VLDLR: variants seen among roughly 807,000 people sequenced by gnomAD.
VLDLR encodes very low density lipoprotein receptor, also known as very low-density lipoprotein receptor.
Under a neutral mutation model 112.7 loss-of-function variants are expected in VLDLR, and 81 were observed. That is an observed-to-expected ratio of 0.72 (90% CI 0.60 to 0.86). The LOEUF (loss-of-function observed/expected upper bound fraction) is 0.86, where lower values mean the gene tolerates loss of function less well. Ranked by LOEUF, VLDLR falls within the 40% of genes least tolerant of loss-of-function variation. VLDLR has a pLI of 0.00. For missense variants in VLDLR, 1,237 were observed against 1,099.4 expected (o/e 1.13, Z -1.77); for synonymous variants, 436 against 384.8 (o/e 1.13, Z -1.56).
At chr9:2,628,845 G>A (rs1043772864) in intron 1 of VLDLR, among the ~76,000 whole-genome samples, 1 of 152,118 alleles carries the variant, frequency 6.6e-6, no homozygotes, top group Non-Finnish European at 1.5e-5. Flanking sequence ...AGTTTTGAGG[G>A]CTTTACTCAC....
chr9:2,645,048 A>G lies in VLDLR; in HGVS notation c.1278A>G (p.Gln426=). 2 of 1,614,224 alleles carry G rather than the reference A, an allele frequency of 1.2e-6. No homozygotes were observed. The highest frequency in any genetic ancestry group is 1.7e-6 in the Non-Finnish European group (2 of 1,180,028). The change falls in exon 9 of 19, where the codon CAA becomes CAG. Residue 426 remains glutamine (Q), a synonymous_variant. Coordinates refer to ENST00000382100, the MANE Select transcript of VLDLR (RefSeq NM_003383.5). ...GYKCECSRGY[Q]MDLATGVCKA... ...AGTGTGAATGTAGTCGTGGCTATCAAATGGATCTTGCTACTGGCGTGTGCA... is the reference window on the plus strand; with the variant it reads ...AGTGTGAATGTAGTCGTGGCTATCAGATGGATCTTGCTACTGGCGTGTGCA...
Position 2,655,944 on chromosome 9 carries a change from A to C in VLDLR, c.*2076A>C, listed in dbSNP as rs988663514. On this transcript the variant is annotated 3_prime_UTR_variant, in exon 19 of 19. Transcript: ENST00000382100. Reference sequence around the variant, plus strand: ...GCTCTGACCCTGCTGTGGTACAAAAAACATGGATTTTTTTTTTTTTAACTG... The same window carrying C: ...GCTCTGACCCTGCTGTGGTACAAAACACATGGATTTTTTTTTTTTTAACTG... The C allele has an allele frequency of 1.3e-5, 2 of 148,966 alleles. No individual in the cohort carries two copies. Among genetic ancestry groups the C allele is most frequent in the African/African-American group, 5.2e-5 (2 of 38,382 alleles). The allele number at this position is 148,966 out of a possible 1,614,324, so 9.2% of individuals were successfully genotyped here. A position where few individuals can be genotyped will look rare whatever the true frequency, so the allele number is the denominator to read the frequency against.
chr9:2,637,564 A>G lies in VLDLR; in HGVS notation c.202+1992A>G, dbSNP rs184625183. ...AATGAAGAGAGAGAACCATACGGCA[A>G]TTTGTCTGTCTCTGTTTATCTTTTG... is the stretch of plus-strand genomic sequence containing the variant. On this transcript the variant is annotated intron_variant, in intron 2 of 18. Coordinates refer to ENST00000382100, the MANE Select transcript of VLDLR (RefSeq NM_003383.5). 6.6e-5 allele frequency among the ~76,000 whole-genome samples: 10 copies of G among 152,252 alleles called. No homozygotes were observed. In the East Asian group the frequency reaches 1.7e-3, roughly 26 times the overall value.
rs1412726951 is a variant in VLDLR at position 2,648,074 on chromosome 9, G to A, written c.1823-134G>A. The A allele has an allele frequency of 4.0e-6, 5 of 1,256,524 alleles. No individual in the cohort carries two copies. The East Asian group carries it at 1.0e-4, about 25-fold the overall frequency. The allele number at this position is 1,256,524 out of a possible 1,614,324, so 77.8% of individuals were successfully genotyped here. ...CAGGCTCTGCATGCTGCTTCGCAAGGTTTATGGTGACCCCGTTAAGAAACC... is the reference window on the plus strand; with the variant it reads ...CAGGCTCTGCATGCTGCTTCGCAAGATTTATGGTGACCCCGTTAAGAAACC... On this transcript the variant is annotated intron_variant, in intron 12 of 18. Coordinates refer to ENST00000382100, the MANE Select transcript of VLDLR (RefSeq NM_003383.5).
rs1818708836 is a variant in VLDLR at position 2,659,068 on chromosome 9, A to G, written c.*5200A>G. The G allele has an allele frequency of 6.6e-6, 1 of 152,192 alleles. No individual in the cohort carries two copies. Among genetic ancestry groups the G allele is most frequent in the South Asian group, 2.1e-4 (1 of 4,826 alleles). 9.4% of individuals were successfully genotyped at this position (152,192 alleles called of 1,614,324 possible). On this transcript the variant is annotated 3_prime_UTR_variant, in exon 19 of 19. Coordinates refer to ENST00000382100, the MANE Select transcript of VLDLR (RefSeq NM_003383.5). ...CTGCATAGTCTTTAGATGGCTGCCA[A>G]AGCACTTAAAATCTCCTTTAAATTC...
At position 2,654,182 on chromosome 9, in the gene VLDLR, T is replaced by C; in HGVS notation, c.*314T>C. 2.5e-6 allele frequency: 1 copy of C among 406,602 alleles called. No individual in the cohort carries two copies. The highest frequency in any genetic ancestry group is 2.2e-5 in the South Asian group (1 of 46,236). The allele number at this position is 406,602 out of a possible 1,614,324, so 25.2% of individuals were successfully genotyped here. On this transcript the variant is annotated 3_prime_UTR_variant, in exon 19 of 19. Transcript: ENST00000382100. ...TATTCCAGCAGTGAAACTTGTGCTA[T>C]AGTGTATACCACCTGTACATACATT...
At chr9:2,647,737 A>G in intron 12 of VLDLR, 145 bp downstream of exon 12, 1 of 768,296 alleles carries the variant, frequency 1.3e-6, no homozygotes, top group South Asian at 1.4e-5. Context: ...GTAACTGAAC[A>G]ACACAAGTAA....
At chr9:2,639,743 A>G in intron 2 of VLDLR, 116 bp from the exon 3 acceptor site, 1 of 1,526,734 alleles carries the variant, frequency 6.5e-7, no homozygotes. Flanking sequence ...TTGAGTGCCC[A>G]TTGACTCAGC....
chr9:2,637,390 T>C (rs145674136), intron 2 of VLDLR, among the ~76,000 whole-genome samples: 61 of 152,342 alleles, frequency 4.0e-4, no homozygotes, highest in African/African-American at 1.4e-3. Flanking sequence ...CATTCTTTTA[T>C]AATGTTAGGC....
In VLDLR at chr9:2,634,788, G is replaced by GGT. The variant is rs538185586; in HGVS notation, c.83-665_83-664insGT. Among the ~76,000 whole-genome samples, 395 of 152,150 alleles carry GGT rather than the reference G, an allele frequency of 2.6e-3. 1 individual carries two copies. The highest frequency in any genetic ancestry group is 3.4e-3 in the Middle Eastern group (1 of 294). On this transcript the variant is annotated intron_variant, in intron 1 of 18. Transcript: ENST00000382100. ...GCTGTGTTTTTCCAATTAGACCTCA[G>GGT]TTTCTAAGAGGAGGAATCATGTATT...
intron 17 of VLDLR, among the ~76,000 whole-genome samples, 182 bp from the exon 18 acceptor site, chr9:2,652,598 C>G (rs1202590026): frequency 6.6e-6 from 1 of 152,212 alleles, no homozygotes; most frequent in Non-Finnish European, 1.5e-5. Context: ...ACAGAGCTAC[C>G]TCTGGGCTGA....
chr9:2,648,522 C>T, intron 13 of VLDLR, 147 bp from the exon 14 acceptor site: 2 of 1,522,598 alleles, frequency 1.3e-6, no homozygotes, highest in South Asian at 2.3e-5. Flanking sequence ...CACACCTAAA[C>T]TTGATTCTTT....
At chr9:2,645,540 G>A (rs761426803) in intron 9 of VLDLR, 34 bp from the exon 10 acceptor site, 2 of 1,614,050 alleles carry the variant, frequency 1.2e-6, no homozygotes, top group East Asian at 2.2e-5. Context: ...CCTTCTTAAA[G>A]CAAAACTAAG....
At chr9:2,650,929 TAGTCTTCTGTTCTTAACTTTTGATTA>T (rs1818301446) in intron 15 of VLDLR, among the ~76,000 whole-genome samples, 1 of 152,156 alleles carries the variant, frequency 6.6e-6, no homozygotes, top group Non-Finnish European at 1.5e-5. Flanking sequence ...AATTTGCATT[TAGTCTTCTGTTCTTAACTTTTGATTA>T]AGTGGCAAAT....
At chr9:2,641,598 T>G in intron 4 of VLDLR, 99 bp downstream of exon 4, 2 of 1,564,752 alleles carry the variant, frequency 1.3e-6, no homozygotes, top group Non-Finnish European at 1.8e-6. Flanking sequence ...GCACTGACAT[T>G]GACTCACTTT....
At chr9:2,625,473 C>T (rs932237456) in intron 1 of VLDLR, among the ~76,000 whole-genome samples, 3 of 152,306 alleles carry the variant, frequency 2.0e-5, no homozygotes, top group East Asian at 1.9e-4. Context: ...CAGTTGCCTA[C>T]GTGACTTAAA....
chr9:2,622,387 C>T, intron 1 of VLDLR, 116 bp downstream of exon 1: 2 of 862,046 alleles, frequency 2.3e-6, no homozygotes, highest in Non-Finnish European at 3.2e-6. Flanking sequence ...TCTCGGTTCT[C>T]CTCGCCTTCC....
intron 15 of VLDLR, 34 bp downstream of exon 15, chr9:2,650,550 C>A: frequency 1.9e-6 from 3 of 1,610,856 alleles, no homozygotes; most frequent in Non-Finnish European, 2.5e-6. Flanking sequence ...ACAAGTAGAA[C>A]CTACAACAAG....
At chr9:2,622,347 C>T (rs1006687297) in intron 1 of VLDLR, 76 bp downstream of exon 1, 8 of 1,297,822 alleles carry the variant, frequency 6.2e-6, no homozygotes, top group Non-Finnish European at 8.0e-6. Context: ...CGTAGGTCTC[C>T]GTTTGCCCAC....
Sources: allele counts gnomAD v4.1 joint callset (sites outside exome capture counted in the v4.1 genomes callset), GRCh38; gene constraint gnomAD v4.1.1; transcripts MANE v1.5; gene names NCBI Gene and HGNC (gene_info 2026-07-23, HGNC 2026-07-21).